The following PCSK6 variants were observed in gnomAD, a reference collection of about 807,000 sequenced individuals.
The protein encoded by PCSK6 is paired basic amino acid cleaving enzyme 4.
Under a neutral mutation model 123.3 loss-of-function variants are expected in PCSK6, and 85 were observed. That is an observed-to-expected ratio of 0.69 (90% confidence interval 0.58 to 0.83). The LOEUF is 0.83. Ranked by LOEUF, PCSK6 falls within the 40% of genes least tolerant of loss-of-function variation. The probability of loss-of-function intolerance (pLI) is 0.00; values close to 1 mark genes in which losing one functional copy is unlikely to be tolerated. For missense variants in PCSK6, 1,191 were observed against 1,282.3 expected (o/e 0.93, Z 1.09); for synonymous variants, 508 against 516.0 (o/e 0.98, Z 0.21).
chr15:101,350,066 G>A (rs528294128), intron 13 of PCSK6, among the ~76,000 whole-genome samples: 1 of 152,128 alleles, frequency 6.6e-6, no homozygotes, highest in Admixed American at 6.6e-5. Context: ...ACGCCACCAT[G>A]CCCGGCTAAT....
rs750982872 is a variant in PCSK6, at chr15:101,430,038, T to A, written c.683A>T (p.Asn228Ile). Residue 228 changes from asparagine to isoleucine, a missense_variant, in exon 5 of 22, where the codon AAC (asparagine) becomes ATC (isoleucine). This residue lies in a region of PCSK6 where 357 missense variants were observed against 484.5 expected (regional missense o/e 0.74). Coordinates refer to ENST00000611716, the MANE Select transcript of PCSK6 (RefSeq NM_002570.5). ...NYDSYASYDV[N>I]GNDYDPSPRY... ...TGGAGATGGGTCATAATCATTGCCG[T>A]TCACGTCGTAGCTGGCGTAGGAATC... is the stretch of plus-strand genomic sequence containing the variant. The A allele has an allele frequency of 3.1e-6, 5 of 1,613,808 alleles. No homozygotes were observed. Among genetic ancestry groups the A allele is most frequent in the Non-Finnish European group, 4.2e-6 (5 of 1,179,814 alleles).
intron 19 of PCSK6, 61 bp from the exon 20 acceptor site, chr15:101,313,566 G>T: frequency 6.5e-7 from 1 of 1,545,550 alleles, no homozygotes; most frequent in East Asian, 2.3e-5. Context: ...CATGCCCCAG[G>T]CCTGCTTCAG....
At chr15:101,421,029 C>T (rs2056068190) in intron 6 of PCSK6, among the ~76,000 whole-genome samples, 1 of 152,256 alleles carries the variant, frequency 6.6e-6, no homozygotes, top group African/African-American at 2.4e-5. Context: ...TCACTGAAAC[C>T]TCCACCTTAC....
intron 6 of PCSK6, among the ~76,000 whole-genome samples, chr15:101,421,041 G>A (rs923216663): frequency 3.9e-5 from 6 of 152,212 alleles, no homozygotes; most frequent in African/African-American, 7.2e-5. Flanking sequence ...CCACCTTACA[G>A]GTTCAAGCAA....
chr15:101,312,674 TACAA>T (rs1232320836), intron 20 of PCSK6, among the ~76,000 whole-genome samples: 3 of 152,014 alleles, frequency 2.0e-5, no homozygotes, highest in African/African-American at 7.3e-5. Flanking sequence ...CTATTAAAAA[TACAA>T]ACAATTAGTG....
chr15:101,456,327 C>T (rs775770897), intron 1 of PCSK6, among the ~76,000 whole-genome samples: 5 of 152,182 alleles, frequency 3.3e-5, no homozygotes, highest in Non-Finnish European at 5.9e-5. Context: ...ACCGTCTGTG[C>T]GTTTATCAAT....
rs764999883 is a variant in PCSK6 at position 101,408,242 on chromosome 15, C to T, written c.824-9666G>A. Among the ~76,000 whole-genome samples the T allele has an allele frequency of 2.6e-4, 39 of 152,316 alleles. 1 individual carries two copies. Among genetic ancestry groups the T allele is most frequent in the Admixed American group, 2.2e-3 (33 of 15,306 alleles). Reference sequence around the variant, plus strand: ...GGACCTCTGAAGGGGACACGGACGGCGAAAAGGAGACGTTCATGCCGCCAT... The same window carrying T: ...GGACCTCTGAAGGGGACACGGACGGTGAAAAGGAGACGTTCATGCCGCCAT... On this transcript the variant is annotated intron_variant, in intron 6 of 21. Coordinates refer to ENST00000611716, the MANE Select transcript of PCSK6 (RefSeq NM_002570.5).
At chr15:101,477,896 A>C (rs893497329) in intron 1 of PCSK6, among the ~76,000 whole-genome samples, 2 of 152,212 alleles carry the variant, frequency 1.3e-5, no homozygotes, top group Non-Finnish European at 2.9e-5. Context: ...TGTTGCCTTC[A>C]TTCCTGCATA....
chr15:101,465,264 GACACACGCTGACCTCCC>G (rs1225344340), intron 1 of PCSK6, among the ~76,000 whole-genome samples: 4 of 152,316 alleles, frequency 2.6e-5, no homozygotes, highest in Admixed American at 1.3e-4. Context: ...TGGGGACAGG[GACACACGCTGACCTCCC>G]ACTGGCTACT....
rs71154317 is a variant in PCSK6 at position 101,311,285 on chromosome 15, ATT to A, written c.2699+2089_2699+2090del. On this transcript the variant is annotated intron_variant, in intron 20 of 21. Transcript: ENST00000611716. Reference sequence around the variant, plus strand: ...ACTACCACGTCCAACTAATTTTTGCATTTTTTTTTTTTTTTTTTTTTAGTAGA... The same window carrying A: ...ACTACCACGTCCAACTAATTTTTGCATTTTTTTTTTTTTTTTTTTAGTAGA... Among the ~76,000 whole-genome samples, 909 of 114,870 alleles carry A rather than the reference ATT, an allele frequency of 7.9e-3. 11 individuals carry two copies. Among genetic ancestry groups the A allele is most frequent in the Middle Eastern group, 0.033 (7 of 210 alleles). The allele number at this position is 114,870 out of a possible 152,430, so 75.4% of individuals were successfully genotyped here. A position where few individuals can be genotyped will look rare whatever the true frequency, so the allele number is the denominator to read the frequency against.
At chr15:101,411,799 G>A (rs1328788730) in intron 6 of PCSK6, among the ~76,000 whole-genome samples, 1 of 152,170 alleles carries the variant, frequency 6.6e-6, no homozygotes, top group African/African-American at 2.4e-5. Flanking sequence ...CTCACTGCTG[G>A]GGCATGTCAG....
At chr15:101,393,474 G>T in intron 7 of PCSK6, 50 bp from the exon 8 acceptor site, 4 of 1,475,590 alleles carry the variant, frequency 2.7e-6, no homozygotes, top group Non-Finnish European at 3.7e-6. Context: ...AACCTCGTAG[G>T]GTGGGTCTCC....
intron 7 of PCSK6, among the ~76,000 whole-genome samples, chr15:101,396,709 C>T (rs1055360657): frequency 6.6e-6 from 1 of 151,972 alleles, no homozygotes; most frequent in African/African-American, 2.4e-5. Flanking sequence ...CAGCCTTGGG[C>T]CTGGCTTAGG....
At chr15:101,332,130 G>A (rs1189772764) in intron 13 of PCSK6, 99 bp from the exon 14 acceptor site, 24 of 1,139,488 alleles carry the variant, frequency 2.1e-5, no homozygotes, top group Non-Finnish European at 2.9e-5. Context: ...CCTGATAGCT[G>A]GGCTCTGGCC....
At chr15:101,469,318 T>A (rs148380059) in intron 1 of PCSK6, among the ~76,000 whole-genome samples, 4 of 152,152 alleles carry the variant, frequency 2.6e-5, no homozygotes, top group Admixed American at 1.3e-4. Flanking sequence ...CTCTTGGGAA[T>A]GAAGACAGTG....
intron 13 of PCSK6, among the ~76,000 whole-genome samples, chr15:101,362,888 A>G (rs2041275105): frequency 6.6e-6 from 1 of 152,202 alleles, no homozygotes; most frequent in African/African-American, 2.4e-5. Context: ...GTTTGTTAGA[A>G]CCATAGACCC....
At chr15:101,413,638 G>C (rs564539486) in intron 6 of PCSK6, among the ~76,000 whole-genome samples, 25 of 152,132 alleles carry the variant, frequency 1.6e-4, no homozygotes, top group Non-Finnish European at 3.5e-4. Context: ...AGCAGACCGG[G>C]GGGCTACAGT....
At chr15:101,479,227 G>A (rs1212334288) in intron 1 of PCSK6, among the ~76,000 whole-genome samples, 1 of 152,220 alleles carries the variant, frequency 6.6e-6, no homozygotes, top group Admixed American at 6.5e-5. Context: ...GGCAGGGCCC[G>A]GGTAGACCAC....
intron 13 of PCSK6, chr15:101,347,608 G>C (rs2040768881): frequency 6.6e-7 from 1 of 1,525,778 alleles, no homozygotes; most frequent in Non-Finnish European, 8.9e-7. Context: ...CATGTCCAAA[G>C]TGCTGAGCCT....
Sources: gnomAD v4.1 joint callset for allele counts (sites outside exome capture counted in the v4.1 genomes callset) on GRCh38, gnomAD v4.1.1 for gene constraint, gnomAD v4.1.1 regional missense constraint, MANE v1.5 for transcripts, NCBI Gene and HGNC (gene_info 2026-07-23, HGNC 2026-07-21) for gene names.